Variants in FMN1 observed in about 807,000 individuals in gnomAD.
FMN1 encodes the protein formin-1.
FMN1 carries 110 observed loss-of-function variants against 132.4 expected under a neutral mutation model. The observed-to-expected ratio is 0.83, with a 90% CI of 0.71 to 0.97. The LOEUF is 0.97. FMN1 is among the 50% of genes least tolerant of loss of function. The pLI, the probability that FMN1 is intolerant of heterozygous loss-of-function variation, is 0.00. For missense variants in FMN1, 1,792 were observed against 1,705.3 expected (o/e 1.05, Z -0.90); for synonymous variants, 722 against 651.7 (o/e 1.11, Z -1.64).
intron 6 of FMN1, among the ~76,000 whole-genome samples, chr15:33,021,192 A>G (rs1374134021): frequency 6.6e-6 from 1 of 152,248 alleles, no homozygotes; most frequent in South Asian, 2.1e-4. Flanking sequence ...CACAGTCAGC[A>G]GTCAAGAACA....
chr15:33,014,461 T>C (rs539472757), intron 6 of FMN1, among the ~76,000 whole-genome samples: 2 of 152,274 alleles, frequency 1.3e-5, no homozygotes, highest in East Asian at 3.9e-4. Context: ...TACATCAGGG[T>C]TGAAAAGGGC....
intron 14 of FMN1, 112 bp downstream of exon 14, chr15:32,899,867 G>T: frequency 9.6e-7 from 1 of 1,038,686 alleles, no homozygotes; most frequent in Non-Finnish European, 1.4e-6. Flanking sequence ...TATAAATGTT[G>T]TTAAGGGGAG....
chr15:32,838,853 A>G (rs2058684048), intron 17 of FMN1, among the ~76,000 whole-genome samples: 1 of 152,218 alleles, frequency 6.6e-6, no homozygotes, highest in African/African-American at 2.4e-5. Context: ...CTGAAATCTA[A>G]ACAACATGAA....
At chr15:32,831,127 T>A (rs1323106819) in intron 17 of FMN1, among the ~76,000 whole-genome samples, 1 of 152,222 alleles carries the variant, frequency 6.6e-6, no homozygotes, top group Non-Finnish European at 1.5e-5. Flanking sequence ...ATAATAGTGC[T>A]TTCCTCAAGG....
chr15:33,178,470 T>C (rs944122298), intron 3 of FMN1, among the ~76,000 whole-genome samples: 2 of 152,232 alleles, frequency 1.3e-5, no homozygotes, highest in East Asian at 1.9e-4. Context: ...TAGCTACCTC[T>C]GTTAGATTGT....
intron 17 of FMN1, among the ~76,000 whole-genome samples, chr15:32,822,343 C>CT (rs879390197): frequency 7.9e-5 from 12 of 151,284 alleles, no homozygotes; most frequent in Non-Finnish European, 1.8e-4. Context: ...GAGTGAGAGT[C>CT]TGTCACAAAC....
chr15:32,836,592 AAACTTGTAAAAT>A (rs1328012731), intron 17 of FMN1, among the ~76,000 whole-genome samples: 27 of 152,322 alleles, frequency 1.8e-4, no homozygotes, highest in African/African-American at 6.5e-4. Context: ...TATGTCTTAC[AAACTTGTAAAAT>A]GAATGTAAAT....
intron 9 of FMN1, among the ~76,000 whole-genome samples, chr15:32,948,989 T>G (rs2061567193): frequency 6.6e-6 from 1 of 152,078 alleles, no homozygotes; most frequent in Non-Finnish European, 1.5e-5. Flanking sequence ...GTTATTGATT[T>G]AAGGCACTTA....
intron 7 of FMN1, among the ~76,000 whole-genome samples, chr15:32,986,918 T>A (rs527268771): frequency 6.6e-6 from 1 of 152,172 alleles, no homozygotes; most frequent in South Asian, 2.1e-4. Context: ...AAGGTATGAA[T>A]TTAAATCTGA....
chr15:32,987,833 G>T (rs1200078108), intron 7 of FMN1, among the ~76,000 whole-genome samples: 1 of 152,046 alleles, frequency 6.6e-6, no homozygotes, highest in Non-Finnish European at 1.5e-5. Flanking sequence ...CTAAAACTTG[G>T]AGCTCATAAA....
intron 5 of FMN1, among the ~76,000 whole-genome samples, chr15:33,082,970 G>C (rs979692937): frequency 3.9e-5 from 6 of 152,000 alleles, no homozygotes; most frequent in African/African-American, 1.4e-4. Context: ...CAGAGCTTTG[G>C]GTTCAGTCTT....
intron 17 of FMN1, among the ~76,000 whole-genome samples, chr15:32,819,448 C>G (rs979337879): frequency 2.6e-5 from 4 of 152,126 alleles, no homozygotes; most frequent in African/African-American, 9.7e-5. Flanking sequence ...TATGGCTGGT[C>G]ACTAACTTTA....
rs991663806 is a variant in FMN1, at chr15:32,768,777, GAGA to G, written c.*5530_*5532del. The G allele has an allele frequency of 8.8e-6, 1 of 113,944 alleles. No homozygotes were observed. The highest frequency in any genetic ancestry group is 3.3e-5 in the African/African-American group (1 of 30,122). 7.1% of individuals were successfully genotyped at this position (113,944 alleles called of 1,614,324 possible). A position where few individuals can be genotyped will look rare whatever the true frequency, so the allele number is the denominator to read the frequency against. On this transcript the variant is annotated 3_prime_UTR_variant, in exon 21 of 21. Transcript: ENST00000616417. ...GACTAGAGATTCTCAGTATATTTAA[GAGA>G]AGATTTAAAAATAGAAAATTACATA... is the stretch of plus-strand genomic sequence containing the variant.
At chr15:32,789,034 C>T (rs2056976012) in intron 19 of FMN1, among the ~76,000 whole-genome samples, 1 of 152,174 alleles carries the variant, frequency 6.6e-6, no homozygotes, top group African/African-American at 2.4e-5. Flanking sequence ...TTTCATCTAT[C>T]AGCAGCAGAC....
chr15:32,986,695 C>T (rs1403688948), intron 7 of FMN1, among the ~76,000 whole-genome samples: 1 of 152,090 alleles, frequency 6.6e-6, no homozygotes, highest in Non-Finnish European at 1.5e-5. Context: ...GAATTACACT[C>T]TACTAAGATG....
chr15:33,144,653 A>G lies in FMN1; in HGVS notation c.1867+8395T>C, dbSNP rs1211418309. Among the ~76,000 whole-genome samples the G allele has an allele frequency of 2.0e-5, 3 of 151,902 alleles. No individual in the cohort carries two copies. The East Asian group carries it at 5.8e-4, about 29-fold the overall frequency. Reference sequence around the variant, plus strand: ...ACTCCGTCTGAAAAAAAAAAAAAAAAAAAGAGAAATCCAATATTAACCTAC... The same window carrying G: ...ACTCCGTCTGAAAAAAAAAAAAAAAGAAAGAGAAATCCAATATTAACCTAC... On this transcript the variant is annotated intron_variant, in intron 4 of 20. Coordinates refer to ENST00000616417, the MANE Select transcript of FMN1 (RefSeq NM_001277313.2).
At chr15:32,843,139 A>G (rs933512615) in intron 17 of FMN1, among the ~76,000 whole-genome samples, 38 of 151,608 alleles carry the variant, frequency 2.5e-4, no homozygotes, top group African/African-American at 8.7e-4. Context: ...AAAAGAGAAA[A>G]AAAAAAAAAG....
Position 32,767,371 on chromosome 15 carries a change from C to T in FMN1, c.*6939G>A, listed in dbSNP as rs1050963726. ...ACCCTGAAGTACTTGAAATAATTTA[C>T]ATTTCTGCTAGGTCTGATTCATACT... On this transcript the variant is annotated 3_prime_UTR_variant, in exon 21 of 21. Transcript: ENST00000616417. The T allele has an allele frequency of 3.3e-5, 5 of 152,156 alleles. No individual in the cohort carries two copies. Among genetic ancestry groups the T allele is most frequent in the Non-Finnish European group, 5.9e-5 (4 of 68,030 alleles). The allele number at this position is 152,156 out of a possible 1,614,324, so 9.4% of individuals were successfully genotyped here.
At chr15:33,125,514 T>A (rs926574979) in intron 4 of FMN1, among the ~76,000 whole-genome samples, 1 of 152,116 alleles carries the variant, frequency 6.6e-6, no homozygotes, top group African/African-American at 2.4e-5. Context: ...TGAACCCTTC[T>A]CAAATTTGGA....
Sources: allele counts gnomAD v4.1 joint callset (sites outside exome capture counted in the v4.1 genomes callset), GRCh38; gene constraint gnomAD v4.1.1; transcripts MANE v1.5; gene names NCBI Gene and HGNC (gene_info 2026-07-23, HGNC 2026-07-21).